The following IRF9 variants were observed in gnomAD, a reference collection of about 807,000 sequenced individuals.
IRF9 encodes the protein interferon regulatory factor 9.
A neutral mutation model predicts 44.1 loss-of-function variants in IRF9; 13 were observed. The ratio of observed to expected loss-of-function variants is 0.29; its 90% CI spans 0.19 to 0.47. IRF9 has a LOEUF of 0.47. Ranked by LOEUF, IRF9 falls within the 20% of genes least tolerant of loss-of-function variation. IRF9 has a pLI of 1.00. For missense variants in IRF9, 373 were observed against 496.1 expected, an observed-to-expected ratio of 0.75 and a Z score of 2.36; for synonymous variants, 189 against 188.5, an observed-to-expected ratio of 1.00 and a Z score of -0.02.
At position 24,166,126 on chromosome 14, in the gene IRF9, A is replaced by G; in HGVS notation, c.1112A>G (p.Glu371Gly). 2 of 1,613,918 alleles carry G rather than the reference A, an allele frequency of 1.2e-6. No individual in the cohort carries two copies. The highest frequency in any genetic ancestry group is 1.7e-6 in the Non-Finnish European group (2 of 1,179,978). ...TCTCCATCTCTTCCAATACAGATGG[A>G]GCAGGCCTTTGCCCGATACTTGCTG... ...TPQNLITVKM[E>G]QAFARYLLEQ... Residue 371 changes from glutamate to glycine, a missense_variant, in exon 9 of 9, where the codon GAG (glutamate) becomes GGG (glycine). Transcript: ENST00000396864.
chr14:24,163,839 A>T (rs1335446191), intron 4 of IRF9, 39 bp from the exon 5 acceptor site: 2 of 1,569,114 alleles, frequency 1.3e-6, no homozygotes, highest in Non-Finnish European at 1.7e-6. Context: ...CTCTGTCTCA[A>T]AAAAAGAGAA....
intron 7 of IRF9, chr14:24,165,244 C>G (rs2038509236): frequency 1.4e-6 from 1 of 701,064 alleles, no homozygotes; most frequent in Non-Finnish European, 2.6e-6. Context: ...AGCATGCAGT[C>G]ACTATGTGAA....
intron 7 of IRF9, chr14:24,165,459 A>T (rs2139106649): frequency 5.4e-6 from 3 of 554,998 alleles, no homozygotes; most frequent in Admixed American, 3.1e-5. Context: ...GAGTGGGACC[A>T]GGTGTACAGG....
chr14:24,164,167 T>A lies in IRF9; in HGVS notation c.649+33T>A. On this transcript the variant is annotated intron_variant, in intron 6 of 8. Coordinates refer to ENST00000396864, the MANE Select transcript of IRF9 (RefSeq NM_006084.5). This position sits in a 1 kb window ranked among gnomAD's most constrained non-coding sequence, Gnocchi z 5.2. ...GCATTTCTGACTTTCTCCTGTGCCC[T>A]GTGCCCCTGAGGTCTTCCACCTTTG... is the stretch of plus-strand genomic sequence containing the variant. The A allele has an allele frequency of 6.3e-7, 1 of 1,588,264 alleles. No individual in the cohort carries two copies. The highest frequency in any genetic ancestry group is 8.6e-7 in the Non-Finnish European group (1 of 1,156,622).
rs2038498649 is a variant in IRF9 at position 24,164,542 on chromosome 14, T to C, written c.650-72T>C. The C allele has an allele frequency of 2.1e-6, 3 of 1,423,646 alleles. No homozygotes were observed. Among genetic ancestry groups the C allele is most frequent in the Non-Finnish European group, 2.9e-6 (3 of 1,046,494 alleles). The allele number at this position is 1,423,646 out of a possible 1,614,324, so 88.2% of individuals were successfully genotyped here. On this transcript the variant is annotated intron_variant, in intron 6 of 8. Transcript: ENST00000396864. This position sits in a 1 kb window ranked among gnomAD's most constrained non-coding sequence, Gnocchi z 5.2. ...CTGGTGTGGGGAGGGGAGGTGGAGT[T>C]GTTCCCCTGGGGAGGGGCTGCTGCC...
At position 24,166,160 on chromosome 14, in the gene IRF9, T is replaced by C; in HGVS notation, c.1146T>C (p.Thr382=). The change falls in exon 9 of 9, where the codon ACT becomes ACC. Residue 382 remains threonine (T), a synonymous_variant. Transcript: ENST00000396864. ...TTGCCCGATACTTGCTGGAGCAGAC[T>C]CCAGAGCAGCAGGCAGCCATTCTGT... ...QAFARYLLEQ[T]PEQQAAILSL... 6.2e-7 allele frequency: 1 copy of C among 1,614,118 alleles called. No individual in the cohort carries two copies. The highest frequency in any genetic ancestry group is 8.5e-7 in the Non-Finnish European group (1 of 1,180,028).
intron 1 of IRF9, among the ~76,000 whole-genome samples, chr14:24,161,642 C>T (rs2038457689): frequency 6.6e-6 from 1 of 152,164 alleles, no homozygotes; most frequent in South Asian, 2.1e-4. Flanking sequence ...GCTGCAGCTC[C>T]AACCCCACCC....
At position 24,162,288 on chromosome 14, in the gene IRF9, G is replaced by C. The variant is rs529525046; in HGVS notation, c.144G>C (p.Gln48His). The change falls in exon 2 of 9, where the codon CAG becomes CAC. Residue 48 changes from glutamine to histidine, a missense_variant. This residue lies in a region of IRF9 where 227 missense variants were observed against 255.3 expected (regional missense o/e 0.89). Coordinates refer to ENST00000396864, the MANE Select transcript of IRF9 (RefSeq NM_006084.5). ...TTCCCTGGAAACATGCAGGCAAGCA[G>C]GACTTCCGGGAGGACCAGGATGCTG... ...FRIPWKHAGK[Q>H]DFREDQDAAF... The C allele has an allele frequency of 6.2e-7, 1 of 1,614,160 alleles. No individual in the cohort carries two copies. The highest frequency in any genetic ancestry group is 1.1e-5 in the South Asian group (1 of 91,084).
chr14:24,166,175 A>T lies in IRF9; in HGVS notation c.1161A>T (p.Ala387=). ...TGGAGCAGACTCCAGAGCAGCAGGC[A>T]GCCATTCTGTCCCTGGTGTAGAGCC... The part of the protein sequence containing the change: ...YLLEQTPEQQ[A]AILSLV The change falls in exon 9 of 9, where the codon GCA becomes GCT. Residue 387 remains alanine, a synonymous_variant. Coordinates refer to ENST00000396864, the MANE Select transcript of IRF9 (RefSeq NM_006084.5). The T allele has an allele frequency of 6.2e-7, 1 of 1,614,138 alleles. No individual in the cohort carries two copies.
intron 5 of IRF9, 24 bp downstream of exon 5, chr14:24,163,983 G>A (rs751827487): frequency 6.2e-7 from 1 of 1,609,518 alleles, no homozygotes; most frequent in African/African-American, 1.3e-5. Flanking sequence ...TGCCTCTTGT[G>A]TCGTCCCCCA....
Position 24,164,187 on chromosome 14 carries a change from C to G in IRF9, c.649+53C>G. On this transcript the variant is annotated intron_variant, in intron 6 of 8. Coordinates refer to ENST00000396864, the MANE Select transcript of IRF9 (RefSeq NM_006084.5). The surrounding 1 kb of genome is among the most constrained non-coding windows in gnomAD (Gnocchi z 5.2). The stretch of plus-strand genomic sequence containing the variant: ...TGCCCTGTGCCCCTGAGGTCTTCCA[C>G]CTTTGACTATGCATGCATTATCTAG... 6.9e-7 allele frequency: 1 copy of G among 1,443,752 alleles called. No homozygotes were observed. The highest frequency in any genetic ancestry group is 9.8e-7 in the Non-Finnish European group (1 of 1,025,188). The allele number at this position is 1,443,752 out of a possible 1,614,324, so 89.4% of individuals were successfully genotyped here. A position where few individuals can be genotyped will look rare whatever the true frequency, so the allele number is the denominator to read the frequency against.
intron 2 of IRF9, 51 bp from the exon 3 acceptor site, chr14:24,162,915 C>A: frequency 6.7e-7 from 1 of 1,487,892 alleles, no homozygotes. Context: ...ATTGGAGGGG[C>A]AGGTGGAGCC....
chr14:24,162,081 T>G (rs2038463821), intron 1 of IRF9, 63 bp from the exon 2 acceptor site: 5 of 1,500,324 alleles, frequency 3.3e-6, no homozygotes, highest in Non-Finnish European at 4.6e-6. Context: ...ATGGCCAGGG[T>G]CTCAGGAGAT....
rs761571684 is a variant in IRF9 at position 24,163,106 on chromosome 14, G to T, written c.321G>T (p.Glu107Asp). The change falls in exon 3 of 9, where the codon GAG (glutamate) becomes GAT (aspartate). Residue 107 changes from glutamate to aspartate, a missense_variant. Glu to Asp is a conservative substitution (Grantham distance 45, BLOSUM62 2). Transcript: ENST00000396864. Reference protein sequence around the residue: ...VPERGRMDVAEPYKVYQLLPP... With the variant: ...VPERGRMDVADPYKVYQLLPP... ...AGAGGGGCCGCATGGATGTTGCTGA[G>T]CCCTACAAGGTGTATCAGTTGCTGC... 1 of 1,614,176 alleles carries T rather than the reference G, an allele frequency of 6.2e-7. No homozygotes were observed. The highest frequency in any genetic ancestry group is 2.2e-5 in the East Asian group (1 of 44,886).
chr14:24,162,990 T>C lies in IRF9; in HGVS notation c.205T>C (p.Tyr69His), dbSNP rs764836318. ...FKAWAIFKGK[Y>H]KEGDTGGPAV... is the part of the protein sequence containing the mutation. The stretch of plus-strand genomic sequence containing the variant: ...GGCCTGGGCAATATTTAAGGGAAAG[T>C]ATAAGGAGGGGGACACAGGAGGTCC... Residue 69 changes from tyrosine to histidine, a missense_variant, in exon 3 of 9, where the codon TAT becomes CAT. Around this residue, in one of 2 missense-constraint regions of IRF9, gnomAD observed 227 missense variants for 255.3 expected, o/e 0.89. Transcript: ENST00000396864. 17 of 1,613,664 alleles carry C rather than the reference T, an allele frequency of 1.1e-5. No individual in the cohort carries two copies.
At chr14:24,165,060 C>T (rs1566620887) in intron 7 of IRF9, 105 bp downstream of exon 7, 1 of 1,012,220 alleles carries the variant, frequency 9.9e-7, no homozygotes, top group Non-Finnish European at 1.5e-6. Flanking sequence ...CCAGCAGATC[C>T]TCCATGTAGC....
chr14:24,162,144 G>A lies in IRF9; in HGVS notation c.-1G>A. The A allele has an allele frequency of 6.2e-7, 1 of 1,613,646 alleles. No homozygotes were observed. ...GCATCCTGCTCCTATTATCCCCCAG[G>A]ATGGCATCAGGCAGGGCACGCTGCA... On this transcript the variant is annotated splice_region_variant and 5_prime_UTR_variant, in exon 2 of 9. Transcript: ENST00000396864.
Position 24,165,838 on chromosome 14 carries a change from C to A in IRF9, c.992-9C>A, listed in dbSNP as rs2038515068. The A allele has an allele frequency of 6.2e-7, 1 of 1,603,632 alleles. No individual in the cohort carries two copies. The highest frequency in any genetic ancestry group is 2.2e-5 in the East Asian group (1 of 44,844). On this transcript the variant is annotated splice_polypyrimidine_tract_variant and intron_variant, in intron 7 of 8. Transcript: ENST00000396864. ...TTGTTCTTCGAACCCTTGACCCTTT[C>A]TCTTTCAGACTTGGTCAGGTACTTT...
chr14:24,164,333 C>T lies in IRF9; in HGVS notation c.649+199C>T. On this transcript the variant is annotated intron_variant, in intron 6 of 8. Transcript: ENST00000396864. This position sits in a 1 kb window ranked among gnomAD's most constrained non-coding sequence, Gnocchi z 5.2. ...AAAAGCTTGCTTCCCAAAAATACCA[C>T]CCTATACACTCTCCTGGAAATCTAC... The T allele has an allele frequency of 1.6e-6, 1 of 622,208 alleles. No individual in the cohort carries two copies. Among genetic ancestry groups the T allele is most frequent in the Non-Finnish European group, 2.9e-6 (1 of 350,622 alleles). 38.5% of individuals were successfully genotyped at this position (622,208 alleles called of 1,614,324 possible). A position where few individuals can be genotyped will look rare whatever the true frequency, so the allele number is the denominator to read the frequency against.
Sources: gnomAD v4.1 joint callset for allele counts (sites outside exome capture counted in the v4.1 genomes callset) on GRCh38, gnomAD v4.1.1 for gene constraint, gnomAD v4.1.1 regional missense constraint, Gnocchi (gnomAD v3.1) non-coding constraint, MANE v1.5 for transcripts, NCBI Gene and HGNC (gene_info 2026-07-23, HGNC 2026-07-21) for gene names.